EIF3E: variants seen among roughly 807,000 people sequenced by gnomAD.
EIF3E encodes the protein eIF-3 p48.
Under a neutral mutation model 59.3 loss-of-function variants are expected in EIF3E, and 25 were observed. The ratio of observed to expected loss-of-function variants is 0.42; its 90% CI spans 0.31 to 0.59. EIF3E has a LOEUF of 0.59. EIF3E is among the 20% of genes least tolerant of loss of function. The pLI, the probability that EIF3E is intolerant of heterozygous loss-of-function variation, is 0.15. For missense variants in EIF3E, 317 were observed against 534.3 expected (o/e 0.59, Z 4.01); for synonymous variants, 176 against 170.2 (o/e 1.03, Z -0.26).
chr8:108,219,765 C>T (rs1002892253), intron 7 of EIF3E, among the ~76,000 whole-genome samples: 5 of 151,618 alleles, frequency 3.3e-5, no homozygotes, highest in Non-Finnish European at 7.4e-5. Flanking sequence ...CTTAGGAGGT[C>T]GAGGCTGCAA....
intron 9 of EIF3E, 85 bp from the exon 10 acceptor site, chr8:108,214,801 T>C: frequency 8.3e-7 from 1 of 1,204,962 alleles, no homozygotes; most frequent in Non-Finnish European, 1.2e-6. Flanking sequence ...TGCTTTATTT[T>C]TCCATTCTAC....
At chr8:108,231,637 A>G (rs1815622456) in intron 5 of EIF3E, among the ~76,000 whole-genome samples, 1 of 152,170 alleles carries the variant, frequency 6.6e-6, no homozygotes, top group African/African-American at 2.4e-5. Flanking sequence ...TTATGGAGCC[A>G]GATCAAAGGC....
chr8:108,218,185 T>A (rs1000272843), intron 7 of EIF3E, among the ~76,000 whole-genome samples: 30 of 38,032 alleles, frequency 7.9e-4, no homozygotes, highest in East Asian at 3.7e-3. Context: ...CAGAATTATC[T>A]GTCAATAAAG....
At chr8:108,237,583 C>T (rs1341452902) in intron 3 of EIF3E, among the ~76,000 whole-genome samples, 2 of 152,152 alleles carry the variant, frequency 1.3e-5, no homozygotes, top group African/African-American at 2.4e-5. Flanking sequence ...TTTTCTTATC[C>T]TTCTCATGAG....
intron 1 of EIF3E, among the ~76,000 whole-genome samples, chr8:108,244,081 T>C (rs76335817): frequency 9.7e-4 from 148 of 152,312 alleles, no homozygotes; most frequent in African/African-American, 3.4e-3. Flanking sequence ...AAATACTATA[T>C]AAGTACTCAC....
chr8:108,229,032 G>T, intron 6 of EIF3E, 38 bp downstream of exon 6: 1 of 1,566,848 alleles, frequency 6.4e-7, no homozygotes, highest in Non-Finnish European at 8.7e-7. Flanking sequence ...AGGATACACA[G>T]ATATTTCAGA....
chr8:108,215,350 G>C (rs1815281843), intron 9 of EIF3E, among the ~76,000 whole-genome samples: 1 of 152,078 alleles, frequency 6.6e-6, no homozygotes, highest in South Asian at 2.1e-4. Flanking sequence ...CAGGTGCGGT[G>C]GCTGACGCCT....
At chr8:108,228,174 A>G (rs1815554114) in intron 7 of EIF3E, 93 bp downstream of exon 7, 1 of 1,353,678 alleles carries the variant, frequency 7.4e-7, no homozygotes, top group Non-Finnish European at 9.8e-7. Context: ...GTGACAACAA[A>G]TTCAAATGAT....
chr8:108,201,753 C>G lies in EIF3E; in HGVS notation c.*132G>C. 1.4e-6 allele frequency: 1 copy of G among 738,092 alleles called. No individual in the cohort carries two copies. Among genetic ancestry groups the G allele is most frequent in the Non-Finnish European group, 1.9e-6 (1 of 514,980 alleles). 45.7% of individuals were successfully genotyped at this position (738,092 alleles called of 1,614,324 possible). A position where few individuals can be genotyped will look rare whatever the true frequency, so the allele number is the denominator to read the frequency against. ...AAACTGACAGCAAGATAAAATGAATCAATTTTATTCCAATTCTTCAAAATT... is the reference window on the plus strand; with the variant it reads ...AAACTGACAGCAAGATAAAATGAATGAATTTTATTCCAATTCTTCAAAATT... On this transcript the variant is annotated 3_prime_UTR_variant, in exon 13 of 13. Coordinates refer to ENST00000220849, the MANE Select transcript of EIF3E (RefSeq NM_001568.3).
intron 3 of EIF3E, among the ~76,000 whole-genome samples, chr8:108,238,262 C>A (rs1226327558): frequency 6.6e-6 from 1 of 152,118 alleles, no homozygotes; most frequent in Non-Finnish European, 1.5e-5. Flanking sequence ...GTGTATATAT[C>A]TCTGTGTGTT....
chr8:108,204,732 T>TAC (rs1491300370), intron 10 of EIF3E, among the ~76,000 whole-genome samples: 1 of 31,612 alleles, frequency 3.2e-5, no homozygotes, highest in Admixed American at 2.6e-4. Context: ...AGTATGTATG[T>TAC]ATATATATAT....
At chr8:108,242,446 TAC>T in intron 1 of EIF3E, 4 of 1,288,216 alleles carry the variant, frequency 3.1e-6, no homozygotes, top group Non-Finnish European at 4.0e-6. Context: ...AGCAAATAGA[TAC>T]ATATACACAA....
At chr8:108,246,785 T>C (rs1201215054) in intron 1 of EIF3E, among the ~76,000 whole-genome samples, 1 of 152,202 alleles carries the variant, frequency 6.6e-6, no homozygotes, top group African/African-American at 2.4e-5. Context: ...GATGATGTAC[T>C]TCCACTTACT....
At chr8:108,230,815 C>T (rs1815609303) in intron 5 of EIF3E, among the ~76,000 whole-genome samples, 1 of 152,116 alleles carries the variant, frequency 6.6e-6, no homozygotes, top group Admixed American at 6.5e-5. Context: ...GGTAAATTCA[C>T]AGAATGAAAT....
At position 108,238,264 on chromosome 8, in the gene EIF3E, CTG is replaced by C. The variant is rs1815772254; in HGVS notation, c.323+1692_323+1693del. Among the ~76,000 whole-genome samples, 2 of 152,158 alleles carry C rather than the reference CTG, an allele frequency of 1.3e-5. 1 individual carries two copies. The highest frequency in any genetic ancestry group is 1.3e-4 in the Admixed American group (2 of 15,276). ...ATGCGCATGATGTGTGTATATATCTCTGTGTGTTTTCCCGCATATAGTCATCC... is the reference window on the plus strand; with the variant it reads ...ATGCGCATGATGTGTGTATATATCTCTGTGTTTTCCCGCATATAGTCATCC... On this transcript the variant is annotated intron_variant, in intron 3 of 12. Coordinates refer to ENST00000220849, the MANE Select transcript of EIF3E (RefSeq NM_001568.3).
intron 1 of EIF3E, among the ~76,000 whole-genome samples, chr8:108,247,645 T>C (rs1372651630): frequency 6.6e-6 from 1 of 152,220 alleles, no homozygotes; most frequent in African/African-American, 2.4e-5. Flanking sequence ...TTTTTGTCTT[T>C]TGCTACACAA....
intron 7 of EIF3E, among the ~76,000 whole-genome samples, chr8:108,223,639 T>C (rs976459301): frequency 6.6e-6 from 1 of 152,206 alleles, no homozygotes; most frequent in Non-Finnish European, 1.5e-5. Flanking sequence ...GTATTACAAA[T>C]GGATTCTTTT....
rs373561361 is a variant in EIF3E, at chr8:108,248,445, C to G, written c.90+168G>C. On this transcript the variant is annotated intron_variant, in intron 1 of 12. Transcript: ENST00000220849. Reference sequence around the variant, plus strand: ...CTCACTGCCGAATAGTGCGGTGCTTCTTAACTGAGACGACGCTAAACTACC... The same window carrying G: ...CTCACTGCCGAATAGTGCGGTGCTTGTTAACTGAGACGACGCTAAACTACC... Among the ~76,000 whole-genome samples, 18 of 152,274 alleles carry G rather than the reference C, an allele frequency of 1.2e-4. No individual in the cohort carries two copies. In the South Asian group the frequency reaches 3.5e-3, roughly 30 times the overall value.
Position 108,239,347 on chromosome 8 carries a change from C to T in EIF3E, c.323+611G>A, listed in dbSNP as rs539745431. ...CTGAGACTACAAGCGCACACCACCA[C>T]ACCTGGCTAACTTTTTATTGGTTTT... On this transcript the variant is annotated intron_variant, in intron 3 of 12. Transcript: ENST00000220849. 2.6e-5 allele frequency among the ~76,000 whole-genome samples: 4 copies of T among 152,248 alleles called. No individual in the cohort carries two copies. In the South Asian group the frequency reaches 8.3e-4, roughly 32 times the overall value.
Sources: allele counts gnomAD v4.1 joint callset (sites outside exome capture counted in the v4.1 genomes callset), GRCh38; gene constraint gnomAD v4.1.1; transcripts MANE v1.5; gene names NCBI Gene and HGNC (gene_info 2026-07-23, HGNC 2026-07-21).